The following ATP8A2 variants were observed in gnomAD, a reference collection of about 807,000 sequenced individuals.
ATP8A2 encodes phospholipid-transporting ATPase IB.
In ATP8A2, 100 loss-of-function variants were observed where a neutral mutation model predicts 165.6. The ratio of observed to expected loss-of-function variants is 0.60; its 90% CI spans 0.51 to 0.71. The LOEUF is 0.71. ATP8A2 is among the 30% of genes least tolerant of loss of function. ATP8A2 has a pLI of 0.00. For missense variants in ATP8A2, 1,227 were observed against 1,479.5 expected, an observed-to-expected ratio of 0.83 and a Z score of 2.80; for synonymous variants, 543 against 548.8, an observed-to-expected ratio of 0.99 and a Z score of 0.15.
chr13:25,678,110 G>C (rs1421611806), intron 24 of ATP8A2, among the ~76,000 whole-genome samples: 1 of 152,168 alleles, frequency 6.6e-6, no homozygotes, highest in Admixed American at 6.5e-5. Context: ...TAGAGGTGCA[G>C]GTGGTTCTTG....
chr13:25,751,434 T>C (rs923828911), intron 25 of ATP8A2, among the ~76,000 whole-genome samples: 9 of 152,146 alleles, frequency 5.9e-5, no homozygotes, highest in Admixed American at 5.2e-4. Flanking sequence ...TTTTATTATT[T>C]ATTTATTTTA....
intron 2 of ATP8A2, among the ~76,000 whole-genome samples, chr13:25,492,624 A>T (rs937784784): frequency 6.6e-6 from 1 of 152,130 alleles, no homozygotes; most frequent in African/African-American, 2.4e-5. Context: ...GTTTCTGTAG[A>T]TGTAGCACTG....
intron 10 of ATP8A2, among the ~76,000 whole-genome samples, 194 bp downstream of exon 10, chr13:25,543,596 G>A (rs1184351862): frequency 3.9e-5 from 6 of 152,116 alleles, no homozygotes; most frequent in East Asian, 3.9e-4. Flanking sequence ...ATTTGTTACC[G>A]TATGCCTGAA....
intron 25 of ATP8A2, among the ~76,000 whole-genome samples, chr13:25,734,639 A>C (rs904357866): frequency 1.3e-5 from 2 of 152,084 alleles, no homozygotes; most frequent in Non-Finnish European, 2.9e-5. Context: ...CATTGTGATA[A>C]GGTTTCCTTT....
intron 10 of ATP8A2, among the ~76,000 whole-genome samples, chr13:25,546,742 T>A (rs1196971459): frequency 1.3e-5 from 2 of 152,188 alleles, no homozygotes; most frequent in African/African-American, 2.4e-5. Flanking sequence ...TTCCTCACAA[T>A]GGCTAGGTAG....
At chr13:25,520,271 T>G (rs976337252) in intron 2 of ATP8A2, among the ~76,000 whole-genome samples, 1 of 152,222 alleles carries the variant, frequency 6.6e-6, no homozygotes, top group Admixed American at 6.5e-5. Flanking sequence ...ACATGTGATA[T>G]TTGTCTTTTT....
At chr13:25,471,190 ACTTTT>A (rs2035834240) in intron 2 of ATP8A2, among the ~76,000 whole-genome samples, 1 of 152,144 alleles carries the variant, frequency 6.6e-6, no homozygotes, top group South Asian at 2.1e-4. Flanking sequence ...TTGAAGAGCT[ACTTTT>A]CTTTTTAAAC....
Position 25,666,763 on chromosome 13 carries a change from T to C in ATP8A2, c.2212-32410T>C, listed in dbSNP as rs75238095. On this transcript the variant is annotated intron_variant, in intron 24 of 36. Transcript: ENST00000381655. The stretch of plus-strand genomic sequence containing the variant: ...TTAACTTTGCTTTCAGGGAGACTAG[T>C]TCAAGGTAGTAAAACCTCAAAATGG... Among the ~76,000 whole-genome samples the C allele has an allele frequency of 0.017, 2,582 of 152,242 alleles. 190 individuals carry two copies. The East Asian group carries it at 0.24, about 14-fold the overall frequency.
chr13:25,781,651 G>A (rs1302467083), intron 27 of ATP8A2, among the ~76,000 whole-genome samples: 2 of 151,920 alleles, frequency 1.3e-5, no homozygotes, highest in Non-Finnish European at 2.9e-5. Flanking sequence ...ACCACACTCA[G>A]CTAATATTTT....
At chr13:25,853,081 T>C (rs1380022634) in intron 30 of ATP8A2, among the ~76,000 whole-genome samples, 4 of 152,096 alleles carry the variant, frequency 2.6e-5, no homozygotes, top group African/African-American at 7.2e-5. Flanking sequence ...GTAAAGTGTT[T>C]ATATAAGATA....
chr13:25,508,377 A>T (rs541758620), intron 2 of ATP8A2, among the ~76,000 whole-genome samples: 3 of 152,242 alleles, frequency 2.0e-5, no homozygotes, highest in Non-Finnish European at 4.4e-5. Context: ...ACATATGAAC[A>T]TGGGTCTTTA....
intron 30 of ATP8A2, among the ~76,000 whole-genome samples, chr13:25,856,557 G>A (rs1313061256): frequency 6.6e-6 from 1 of 152,108 alleles, no homozygotes; most frequent in Non-Finnish European, 1.5e-5. Flanking sequence ...TGATTTTATA[G>A]CTTTGTTTCT....
At chr13:25,991,257 T>C (rs1250194274) in intron 35 of ATP8A2, among the ~76,000 whole-genome samples, 1 of 152,240 alleles carries the variant, frequency 6.6e-6, no homozygotes, top group East Asian at 1.9e-4. Context: ...ACTGACTTTT[T>C]TAATTTAAAC....
intron 2 of ATP8A2, among the ~76,000 whole-genome samples, chr13:25,492,297 C>A (rs1414485651): frequency 6.6e-6 from 1 of 152,176 alleles, no homozygotes; most frequent in African/African-American, 2.4e-5. Context: ...TTCAGGTGAT[C>A]CACCCACCTC....
intron 16 of ATP8A2, among the ~76,000 whole-genome samples, chr13:25,568,388 A>G (rs6491062): frequency 0.053 from 8,040 of 152,270 alleles, 274 homozygotes; most frequent in South Asian, 0.13. Flanking sequence ...TGTAGCTGCA[A>G]TTTTGCTTGC....
rs1303715001 is a variant in ATP8A2, at chr13:25,699,325, C to T, written c.2364C>T (p.Cys788=). ...RRSFLDLALS[C]KAVICCRVSP... is the part of the protein sequence containing the mutation. ...GTTTCCTGGATTTGGCACTCTCGTGCAAAGCGGTCATATGCTGCAGGTAGG... is the reference window on the plus strand; with the variant it reads ...GTTTCCTGGATTTGGCACTCTCGTGTAAAGCGGTCATATGCTGCAGGTAGG... Residue 788 remains cysteine, a synonymous_variant, in exon 25 of 37, where the codon TGC becomes TGT. Coordinates refer to ENST00000381655, the MANE Select transcript of ATP8A2 (RefSeq NM_016529.6). The T allele has an allele frequency of 6.2e-7, 1 of 1,612,914 alleles. No individual in the cohort carries two copies. Among genetic ancestry groups the T allele is most frequent in the Non-Finnish European group, 8.5e-7 (1 of 1,179,400 alleles).
At chr13:25,733,622 G>A (rs1418515307) in intron 25 of ATP8A2, among the ~76,000 whole-genome samples, 1 of 152,062 alleles carries the variant, frequency 6.6e-6, no homozygotes, top group African/African-American at 2.4e-5. Flanking sequence ...TTCATGCTTT[G>A]TCGGCCCTCT....
Position 25,560,498 on chromosome 13 carries a change from G to A in ATP8A2, c.1397+733G>A, listed in dbSNP as rs143143957. Among the ~76,000 whole-genome samples, 858 of 151,914 alleles carry A rather than the reference G, an allele frequency of 5.6e-3. 16 individuals are homozygous for A. The highest frequency in any genetic ancestry group is 0.019 in the African/African-American group (770 of 41,464). On this transcript the variant is annotated intron_variant, in intron 15 of 36. Coordinates refer to ENST00000381655, the MANE Select transcript of ATP8A2 (RefSeq NM_016529.6). ...GCAGATCACTGGACGTCAGGAGTTC[G>A]AGACCAGCCTGGCCAACATGGTGAA...
intron 1 of ATP8A2, among the ~76,000 whole-genome samples, chr13:25,410,374 T>C (rs180943597): frequency 3.3e-5 from 5 of 152,324 alleles, no homozygotes; most frequent in Non-Finnish European, 2.9e-5. Flanking sequence ...GTGGCATCTA[T>C]TCCTACATAG....
Sources: allele counts gnomAD v4.1 joint callset (sites outside exome capture counted in the v4.1 genomes callset), GRCh38; gene constraint gnomAD v4.1.1; transcripts MANE v1.5; gene names NCBI Gene and HGNC (gene_info 2026-07-23, HGNC 2026-07-21).